The following MAML2 variants were observed in gnomAD, a reference collection of about 807,000 sequenced individuals.
The protein encoded by MAML2 is mastermind like transcriptional coactivator 2, also known as mastermind-like protein 2.
Under a neutral mutation model 96.1 loss-of-function variants are expected in MAML2, and 22 were observed. The observed-to-expected ratio is 0.23, with a 90% confidence interval of 0.16 to 0.33. MAML2 has a LOEUF of 0.33. Ranked by LOEUF, MAML2 falls within the 10% of genes least tolerant of loss-of-function variation. The probability of loss-of-function intolerance (pLI) is 1.00; values close to 1 mark genes in which losing one functional copy is unlikely to be tolerated. For missense variants in MAML2, 1,367 were observed against 1,392.4 expected (o/e 0.98, Z 0.29); for synonymous variants, 561 against 521.3 (o/e 1.08, Z -1.04).
At chr11:96,277,580 C>T (rs1227261694) in intron 1 of MAML2, among the ~76,000 whole-genome samples, 4 of 151,748 alleles carry the variant, frequency 2.6e-5, no homozygotes, top group Non-Finnish European at 4.4e-5. Flanking sequence ...GGTGAAACAC[C>T]GTCTCTGCTA....
At chr11:96,096,192 G>C (rs892422847) in intron 1 of MAML2, among the ~76,000 whole-genome samples, 1 of 152,190 alleles carries the variant, frequency 6.6e-6, no homozygotes, top group African/African-American at 2.4e-5. Flanking sequence ...GAAAAAACCT[G>C]TTCAGCCAGA....
At chr11:96,233,060 A>G (rs967674681) in intron 1 of MAML2, among the ~76,000 whole-genome samples, 20 of 152,214 alleles carry the variant, frequency 1.3e-4, no homozygotes, top group African/African-American at 4.8e-5. Context: ...CTTAAGACCA[A>G]TTTTTTAAAG....
intron 1 of MAML2, among the ~76,000 whole-genome samples, chr11:96,140,105 G>A (rs1024566133): frequency 6.6e-6 from 1 of 152,194 alleles, no homozygotes; most frequent in African/African-American, 2.4e-5. Flanking sequence ...TGCCTCCATA[G>A]ATGATTTTAT....
At chr11:96,219,876 G>C (rs1453297441) in intron 1 of MAML2, among the ~76,000 whole-genome samples, 1 of 152,004 alleles carries the variant, frequency 6.6e-6, no homozygotes, top group Non-Finnish European at 1.5e-5. Flanking sequence ...TGCCCACCTC[G>C]GCCTCCCAAA....
chr11:96,242,936 T>G (rs1338635104), intron 1 of MAML2, among the ~76,000 whole-genome samples: 1 of 152,218 alleles, frequency 6.6e-6, no homozygotes, highest in Non-Finnish European at 1.5e-5. Flanking sequence ...AATGCATTAC[T>G]GGCAGGAAAC....
At position 96,189,035 on chromosome 11, in the gene MAML2, G is replaced by A. The variant is rs1337081957; in HGVS notation, c.514-95518C>T. 2.0e-5 allele frequency among the ~76,000 whole-genome samples: 3 copies of A among 151,190 alleles called. 1 individual carries two copies. The highest frequency in any genetic ancestry group is 4.4e-5 in the Non-Finnish European group (3 of 67,856). On this transcript the variant is annotated intron_variant, in intron 1 of 4. Transcript: ENST00000524717. ...AATTCAGTCACATCTTATTAGTAAA[G>A]AGAAGCTTCTAGCTCAATGCTAGAA...
At chr11:96,201,691 A>T (rs899859475) in intron 1 of MAML2, among the ~76,000 whole-genome samples, 3 of 152,140 alleles carry the variant, frequency 2.0e-5, no homozygotes, top group African/African-American at 7.2e-5. Flanking sequence ...AGGCCAAGGC[A>T]GGCGGATCAC....
chr11:96,046,855 T>C (rs1314582990), intron 2 of MAML2, among the ~76,000 whole-genome samples: 1 of 152,178 alleles, frequency 6.6e-6, no homozygotes, highest in Non-Finnish European at 1.5e-5. Context: ...ACCCAGGAAG[T>C]TGACAGAGGC....
chr11:96,116,348 C>T (rs777879392), intron 1 of MAML2, among the ~76,000 whole-genome samples: 13 of 152,106 alleles, frequency 8.5e-5, no homozygotes, highest in East Asian at 1.9e-4. Context: ...TGACAAGAGA[C>T]GACAAAGACA....
At chr11:96,240,600 T>C (rs1218221718) in intron 1 of MAML2, among the ~76,000 whole-genome samples, 1 of 137,676 alleles carries the variant, frequency 7.3e-6, no homozygotes, top group Non-Finnish European at 1.6e-5. Flanking sequence ...TGATGAACTG[T>C]CTGTGTCAGT....
chr11:96,293,554 A>C (rs899928382), intron 1 of MAML2, among the ~76,000 whole-genome samples: 4 of 152,240 alleles, frequency 2.6e-5, no homozygotes. Flanking sequence ...AGAAAGTTTG[A>C]AGCACAGCAA....
intron 2 of MAML2, among the ~76,000 whole-genome samples, chr11:96,025,105 T>C (rs1020251315): frequency 6.6e-6 from 1 of 152,190 alleles, no homozygotes; most frequent in African/African-American, 2.4e-5. Flanking sequence ...ACTCGCATGT[T>C]TATCACAGCA....
chr11:96,316,555 T>A (rs918311197), intron 1 of MAML2, among the ~76,000 whole-genome samples: 2 of 152,142 alleles, frequency 1.3e-5, no homozygotes, highest in Non-Finnish European at 2.9e-5. Flanking sequence ...GGGAGAAAGA[T>A]CTGGGCTCAT....
At chr11:96,254,219 G>A (rs528741141) in intron 1 of MAML2, among the ~76,000 whole-genome samples, 8 of 152,174 alleles carry the variant, frequency 5.3e-5, no homozygotes, top group Non-Finnish European at 7.4e-5. Flanking sequence ...AATAGTAATC[G>A]CATTTTCTAG....
At chr11:95,992,564 G>A in intron 2 of MAML2, among the ~76,000 whole-genome samples, 1 of 152,194 alleles carries the variant, frequency 6.6e-6, no homozygotes, top group East Asian at 1.9e-4. Context: ...CACTAGTAGG[G>A]TTACAAGAAG....
At chr11:96,044,835 G>A (rs1184434742) in intron 2 of MAML2, among the ~76,000 whole-genome samples, 2 of 152,230 alleles carry the variant, frequency 1.3e-5, no homozygotes, top group Admixed American at 1.3e-4. Context: ...CCTTGAAGAT[G>A]AGGTATTTTT....
chr11:96,339,397 G>GA (rs1380810874), intron 1 of MAML2, among the ~76,000 whole-genome samples: 3 of 151,884 alleles, frequency 2.0e-5, no homozygotes, highest in Non-Finnish European at 4.4e-5. Context: ...AAACACCCTA[G>GA]AAAAAAAAGG....
At chr11:96,316,187 A>G (rs1591128904) in intron 1 of MAML2, among the ~76,000 whole-genome samples, 3 of 152,186 alleles carry the variant, frequency 2.0e-5, no homozygotes, top group Admixed American at 2.0e-4. Context: ...TTTATACCCT[A>G]TCTTCTGGAA....
chr11:96,093,779 A>G (rs1432256329), intron 1 of MAML2, among the ~76,000 whole-genome samples: 1 of 152,228 alleles, frequency 6.6e-6, no homozygotes, highest in Non-Finnish European at 1.5e-5. Context: ...TGAGTGGTTC[A>G]TAGGTCAATG....
Sources: allele counts gnomAD v4.1 joint callset (sites outside exome capture counted in the v4.1 genomes callset), GRCh38; gene constraint gnomAD v4.1.1; transcripts MANE v1.5; gene names NCBI Gene and HGNC (gene_info 2026-07-23, HGNC 2026-07-21).